The following GLT1D1 variants were observed in gnomAD, a reference collection of about 807,000 sequenced individuals.
GLT1D1 encodes glycosyltransferase 1 domain containing 1.
Under a neutral mutation model 28.7 loss-of-function variants are expected in GLT1D1, and 21 were observed. The observed-to-expected ratio is 0.73, with a 90% CI of 0.52 to 1.05. The LOEUF is 1.05. Among genes scored for constraint, GLT1D1 ranks in the 50% least tolerant of loss-of-function variants. The probability of loss-of-function intolerance (pLI) is 0.00; values close to 1 mark genes in which losing one functional copy is unlikely to be tolerated. For missense variants in GLT1D1, 343 were observed against 330.6 expected (o/e 1.04, Z -0.29); for synonymous variants, 147 against 124.8 (o/e 1.18, Z -1.19).
At chr12:128,946,635 CTTTTTTTTTTTTTTTTTT>C (rs61498838) in intron 5 of GLT1D1, among the ~76,000 whole-genome samples, 1 of 64,160 alleles carries the variant, frequency 1.6e-5, no homozygotes, top group East Asian at 4.7e-4. Flanking sequence ...GCCCGGCCTC[CTTTTTTTTTTTTTTTTTT>C]TTTTTTTTTT....
rs1878169056 is a variant in GLT1D1 at position 128,963,567 on chromosome 12, A to AC, written c.639+5927dup. Among the ~76,000 whole-genome samples the AC allele has an allele frequency of 2.0e-5, 3 of 152,086 alleles. No homozygotes were observed. In the South Asian group the frequency reaches 6.2e-4, roughly 32 times the overall value. ...AGGCTGAGGCAGGAGAATTGCTTAA[A>AC]CCCGGGGGGTGGAGGTTGCAGTAAG... On this transcript the variant is annotated intron_variant, in intron 7 of 7. Coordinates refer to ENST00000281703, the MANE Select transcript of GLT1D1 (RefSeq NM_144669.3).
chr12:128,898,163 C>T (rs906053372), intron 3 of GLT1D1, among the ~76,000 whole-genome samples: 1 of 151,652 alleles, frequency 6.6e-6, no homozygotes, highest in African/African-American at 2.4e-5. Flanking sequence ...TCCTCCTCCT[C>T]CTTCTTCTTC....
chr12:128,906,988 T>C, intron 4 of GLT1D1: 1 of 701,944 alleles, frequency 1.4e-6, no homozygotes, highest in Non-Finnish European at 2.6e-6. Flanking sequence ...ATGTTAGCGC[T>C]GGCCTAATCG....
chr12:128,879,432 T>TTCTTTCTTTCTTTCTC (rs1566096637), intron 2 of GLT1D1, among the ~76,000 whole-genome samples: 1 of 116,092 alleles, frequency 8.6e-6, no homozygotes, highest in African/African-American at 3.6e-5. Context: ...CTTTCTTTCT[T>TTCTTTCTTTCTTTCTC]TCTTTCTTTC....
At chr12:128,905,588 C>T (rs1282554277) in intron 4 of GLT1D1, among the ~76,000 whole-genome samples, 6 of 152,132 alleles carry the variant, frequency 3.9e-5, no homozygotes, top group Admixed American at 3.3e-4. Context: ...TCAGTAAAGA[C>T]GGTTTTATCT....
chr12:128,889,024 G>A (rs1230926818), intron 3 of GLT1D1, among the ~76,000 whole-genome samples: 1 of 152,150 alleles, frequency 6.6e-6, no homozygotes, highest in Non-Finnish European at 1.5e-5. Context: ...CACGCCTGTG[G>A]TCCCAGCTGC....
intron 4 of GLT1D1, among the ~76,000 whole-genome samples, chr12:128,943,298 T>G (rs2135485030): frequency 6.6e-6 from 1 of 152,314 alleles, no homozygotes; most frequent in South Asian, 2.1e-4. Flanking sequence ...ATCTATTTAC[T>G]AACGACAAAG....
chr12:128,962,470 A>G (rs1459815826), intron 7 of GLT1D1, among the ~76,000 whole-genome samples: 1 of 152,140 alleles, frequency 6.6e-6, no homozygotes, highest in African/African-American at 2.4e-5. Flanking sequence ...GTGGGCAAGG[A>G]ATGAGTGGAG....
At chr12:128,864,257 G>T in intron 1 of GLT1D1, 1 of 541,746 alleles carries the variant, frequency 1.8e-6, no homozygotes. Context: ...GAGAAGCTGA[G>T]TGTGGGATGA....
intron 7 of GLT1D1, among the ~76,000 whole-genome samples, chr12:128,974,722 C>T (rs1258324353): frequency 1.3e-5 from 2 of 152,320 alleles, no homozygotes; most frequent in South Asian, 2.1e-4. Context: ...CCTTAGACCT[C>T]GCTGGAGATG....
intron 7 of GLT1D1, among the ~76,000 whole-genome samples, chr12:128,958,362 G>A (rs958430979): frequency 2.6e-5 from 4 of 152,084 alleles, no homozygotes; most frequent in Non-Finnish European, 4.4e-5. Flanking sequence ...TGTGACATGC[G>A]CTGAATGAGT....
chr12:128,854,295 C>T (rs938110755), intron 1 of GLT1D1, among the ~76,000 whole-genome samples: 7 of 152,208 alleles, frequency 4.6e-5, no homozygotes, highest in African/African-American at 1.4e-4. Flanking sequence ...CGCCTCCCAC[C>T]CGCACAGCGG....
At chr12:128,899,611 G>A (rs1384910308) in intron 4 of GLT1D1, among the ~76,000 whole-genome samples, 4 of 144,146 alleles carry the variant, frequency 2.8e-5, no homozygotes, top group Non-Finnish European at 4.5e-5. Flanking sequence ...GTGCAATGGC[G>A]TGATCTCAGC....
Position 128,952,773 on chromosome 12 carries a change from C to CTTTTTTTTT in GLT1D1, c.541-4755_541-4747dup, listed in dbSNP as rs71072430. On this transcript the variant is annotated intron_variant, in intron 6 of 7. Transcript: ENST00000281703. Reference sequence around the variant, plus strand: ...TACAGGTGTGAGCCACCGTGACTGGCTTTTTTTTTTTTTTTTTTTTTTTTT... The same window carrying CTTTTTTTTT: ...TACAGGTGTGAGCCACCGTGACTGGCTTTTTTTTTTTTTTTTTTTTTTTTTTTTTTTTTT... Among the ~76,000 whole-genome samples the CTTTTTTTTT allele has an allele frequency of 4.8e-4, 28 of 58,936 alleles. 8 individuals are homozygous for CTTTTTTTTT. Among genetic ancestry groups the CTTTTTTTTT allele is most frequent in the East Asian group, 1.4e-3 (2 of 1,396 alleles). The allele number at this position is 58,936 out of a possible 152,430, so 38.7% of individuals were successfully genotyped here.
At chr12:128,946,214 C>T (rs1014481928) in intron 5 of GLT1D1, among the ~76,000 whole-genome samples, 75 of 152,076 alleles carry the variant, frequency 4.9e-4, no homozygotes, top group Non-Finnish European at 4.9e-4. Context: ...CGAAGAAAGG[C>T]GAAGATTTAC....
In GLT1D1 at chr12:128,855,746, C is replaced by CTTTTTTTT. The variant is rs34715979; in HGVS notation, c.68+2114_68+2121dup. The stretch of plus-strand genomic sequence containing the variant: ...AGCAGCCCCAAGGGCTGCTGGTTGC[C>CTTTTTTTT]TTTTTTTTTTTTTTTTTTTTTTTTG... On this transcript the variant is annotated intron_variant, in intron 1 of 7. Coordinates refer to ENST00000281703, the MANE Select transcript of GLT1D1 (RefSeq NM_144669.3). Among the ~76,000 whole-genome samples the CTTTTTTTT allele has an allele frequency of 3.4e-4, 32 of 95,178 alleles. No homozygotes were observed. The East Asian group carries it at 4.6e-3, about 14-fold the overall frequency. The allele number at this position is 95,178 out of a possible 152,430, so 62.4% of individuals were successfully genotyped here. A position where few individuals can be genotyped will look rare whatever the true frequency, so the allele number is the denominator to read the frequency against.
At chr12:128,911,755 A>G (rs1488632844) in intron 4 of GLT1D1, among the ~76,000 whole-genome samples, 1 of 152,176 alleles carries the variant, frequency 6.6e-6, no homozygotes, top group African/African-American at 2.4e-5. Flanking sequence ...GTTTTGTGAC[A>G]TTCCACCAGA....
chr12:128,979,256 C>T (rs1305125152), intron 7 of GLT1D1, among the ~76,000 whole-genome samples: 6 of 152,196 alleles, frequency 3.9e-5, no homozygotes, highest in African/African-American at 7.2e-5. Flanking sequence ...AGCTTGAAGC[C>T]ACACCTGCCT....
At chr12:128,908,382 C>CTCTT (rs1204621596) in intron 4 of GLT1D1, among the ~76,000 whole-genome samples, 1 of 40,964 alleles carries the variant, frequency 2.4e-5, no homozygotes, top group Non-Finnish European at 5.9e-5. Flanking sequence ...TCTTTTCTTT[C>CTCTT]TCTTTCTTTC....
Sources: allele counts gnomAD v4.1 joint callset (sites outside exome capture counted in the v4.1 genomes callset), GRCh38; gene constraint gnomAD v4.1.1; transcripts MANE v1.5; gene names NCBI Gene and HGNC (gene_info 2026-07-23, HGNC 2026-07-21).